BTNL8: variants seen among roughly 807,000 people sequenced by gnomAD.
The protein encoded by BTNL8 is butyrophilin-like protein 8.
A neutral mutation model predicts 36.1 loss-of-function variants in BTNL8; 22 were observed. The observed-to-expected ratio is 0.61, with a 90% CI of 0.44 to 0.87. BTNL8 has a LOEUF of 0.87. BTNL8 is among the 40% of genes least tolerant of loss of function. The pLI is 0.00. For synonymous variants in BTNL8, 203 were observed against 235.6 expected, an observed-to-expected ratio of 0.86 and a Z score of 1.27; for missense variants, 526 against 616.9, an observed-to-expected ratio of 0.85 and a Z score of 1.56.
At chr5:180,941,229 A>C (rs1315909835) in intron 3 of BTNL8, among the ~76,000 whole-genome samples, 1 of 152,194 alleles carries the variant, frequency 6.6e-6, no homozygotes, top group East Asian at 1.9e-4. Flanking sequence ...AACACATGGA[A>C]CATACTAAAA....
At chr5:180,904,006 A>G (rs199544769) in intron 1 of BTNL8, among the ~76,000 whole-genome samples, 11,077 of 94,584 alleles carry the variant, frequency 0.12, 24 homozygotes, top group African/African-American at 0.25. Context: ...TTGGTGATGC[A>G]GGCTCTTTTT....
intron 3 of BTNL8, among the ~76,000 whole-genome samples, chr5:180,928,560 C>T (rs894460486): frequency 2.0e-5 from 3 of 152,124 alleles, no homozygotes. Flanking sequence ...GTGCTATATT[C>T]GGGAGACCCA....
Position 180,950,275 on chromosome 5 carries a change from G to A in BTNL8, c.1234G>A (p.Asp412Asn). The A allele has an allele frequency of 2.0e-6, 3 of 1,463,516 alleles. No individual in the cohort carries two copies. In the East Asian group the frequency reaches 7.3e-5, roughly 36 times the overall value. The allele number at this position is 1,463,516 out of a possible 1,614,324, so 90.7% of individuals were successfully genotyped here. ...ACCTACAAAAATAGGGGTCTTCCTG[G>A]ACTATGAGTGTGGGACCATCTCCTT... ...TPPTKIGVFL[D>N]YECGTISFFN... The change falls in exon 8 of 8, where the codon GAC becomes AAC. Residue 412 changes from aspartate to asparagine, a missense_variant. Asp to Asn is a conservative substitution (Grantham distance 23). This residue lies in a region of BTNL8 where 176 missense variants were observed against 292.3 expected (regional missense o/e 0.60). Coordinates refer to ENST00000340184, the MANE Select transcript of BTNL8 (RefSeq NM_001040462.3).
At position 180,935,759 on chromosome 5, in the gene BTNL8, G is replaced by A. The variant is rs1205138224; in HGVS notation, c.674-11753G>A. The stretch of plus-strand genomic sequence containing the variant: ...CCTCCCAGCCCCACCTGGCTCCATG[G>A]AGCACATGGCCCCAGCCACACCTCC... On this transcript the variant is annotated intron_variant, in intron 3 of 7. Coordinates refer to ENST00000340184, the MANE Select transcript of BTNL8 (RefSeq NM_001040462.3). The surrounding 1 kb of genome is among the most constrained non-coding windows in gnomAD (Gnocchi z 4.8). Among the ~76,000 whole-genome samples the A allele has an allele frequency of 6.6e-6, 1 of 151,874 alleles. No homozygotes were observed. The highest frequency in any genetic ancestry group is 2.4e-5 in the African/African-American group (1 of 41,330).
chr5:180,921,790 G>A (rs1757876809), intron 3 of BTNL8, among the ~76,000 whole-genome samples: 1 of 151,954 alleles, frequency 6.6e-6, no homozygotes, highest in Non-Finnish European at 1.5e-5. Flanking sequence ...TGGTGGTGAT[G>A]ATTTGAATGG....
chr5:180,937,105 C>A (rs1031159324), intron 3 of BTNL8, among the ~76,000 whole-genome samples: 1 of 152,140 alleles, frequency 6.6e-6, no homozygotes, highest in African/African-American at 2.4e-5. Context: ...ATTTGGTGTC[C>A]ACCACTGATG....
chr5:180,937,836 AG>A (rs1397225952), intron 3 of BTNL8, among the ~76,000 whole-genome samples: 3 of 152,202 alleles, frequency 2.0e-5, no homozygotes, highest in Admixed American at 2.0e-4. Flanking sequence ...AATGATCTTA[AG>A]AACACTTAGT....
chr5:180,907,841 G>A (rs1351101996), intron 1 of BTNL8, among the ~76,000 whole-genome samples: 3 of 151,132 alleles, frequency 2.0e-5, no homozygotes, highest in Non-Finnish European at 4.4e-5. Flanking sequence ...GGGGGTCAGG[G>A]GTCAGGGACT....
At chr5:180,908,343 G>C (rs1757208127) in intron 1 of BTNL8, among the ~76,000 whole-genome samples, 2 of 152,240 alleles carry the variant, frequency 1.3e-5, no homozygotes, top group South Asian at 4.1e-4. Flanking sequence ...CTTCCCGAGT[G>C]AGGCAATGCC....
At chr5:180,938,890 G>A (rs149496931) in intron 3 of BTNL8, among the ~76,000 whole-genome samples, 1 of 152,046 alleles carries the variant, frequency 6.6e-6, no homozygotes, top group Admixed American at 6.6e-5. Context: ...AGAAGAAAAA[G>A]ATATTTTTTA....
chr5:180,909,237 T>G (rs2113778172), intron 2 of BTNL8, among the ~76,000 whole-genome samples: 1 of 152,348 alleles, frequency 6.6e-6, no homozygotes, highest in South Asian at 2.1e-4. Flanking sequence ...ATCTCCCTGA[T>G]GCTGTAATTT....
At chr5:180,921,056 A>G (rs1308782118) in intron 3 of BTNL8, among the ~76,000 whole-genome samples, 2 of 152,118 alleles carry the variant, frequency 1.3e-5, no homozygotes, top group African/African-American at 4.8e-5. Flanking sequence ...TTATATGTAG[A>G]TAAACCCTAA....
At position 180,947,134 on chromosome 5, in the gene BTNL8, G is replaced by A. The variant is rs538064273; in HGVS notation, c.674-378G>A. Among the ~76,000 whole-genome samples the A allele has an allele frequency of 7.2e-5, 11 of 152,292 alleles. No homozygotes were observed. In the East Asian group the frequency reaches 9.6e-4, roughly 13 times the overall value. ...TCTAGTTTATACCAAGACATATCCC[G>A]GAACTGTGGTGATTAAGCCACTCAA... On this transcript the variant is annotated intron_variant, in intron 3 of 7. Transcript: ENST00000340184.
At chr5:180,925,195 C>T (rs1340515060) in intron 3 of BTNL8, among the ~76,000 whole-genome samples, 2 of 152,024 alleles carry the variant, frequency 1.3e-5, no homozygotes, top group African/African-American at 2.4e-5. Flanking sequence ...ATAGGAGTTT[C>T]AGAAGGAGAT....
At chr5:180,907,930 G>C (rs1757173486) in intron 1 of BTNL8, among the ~76,000 whole-genome samples, 1 of 152,032 alleles carries the variant, frequency 6.6e-6, no homozygotes. Context: ...AAAGCTGTCA[G>C]ACAGGGACAT....
chr5:180,919,313 C>G (rs367957151), intron 3 of BTNL8, among the ~76,000 whole-genome samples: 3 of 152,318 alleles, frequency 2.0e-5, no homozygotes, highest in East Asian at 3.9e-4. Context: ...CATGTCCAAC[C>G]TCACCTTCCC....
intron 3 of BTNL8, among the ~76,000 whole-genome samples, chr5:180,941,110 G>GAGGAAGGAAGGAAGGAAGGAAGGA (rs1177352611): frequency 2.0e-4 from 25 of 126,896 alleles, no homozygotes; most frequent in East Asian, 7.2e-4. Flanking sequence ...GGAAGGAAGG[G>GAGGAAGGAAGGAAGGAAGGAAGGA]AGGAAGGAAG....
At chr5:180,934,191 A>G (rs1561942023) in intron 3 of BTNL8, among the ~76,000 whole-genome samples, 1 of 152,272 alleles carries the variant, frequency 6.6e-6, no homozygotes, top group Non-Finnish European at 1.5e-5. Flanking sequence ...GATAAAAATC[A>G]TATGATAATC....
chr5:180,929,856 T>C (rs1485155777), intron 3 of BTNL8, among the ~76,000 whole-genome samples: 1 of 152,144 alleles, frequency 6.6e-6, no homozygotes, highest in African/African-American at 2.4e-5. Context: ...CAGGACAAGA[T>C]GGATTCACAG....
Sources: allele counts gnomAD v4.1 joint callset (sites outside exome capture counted in the v4.1 genomes callset), GRCh38; gene constraint gnomAD v4.1.1; regional missense constraint gnomAD v4.1.1; non-coding constraint Gnocchi (gnomAD v3.1); transcripts MANE v1.5; gene names NCBI Gene and HGNC (gene_info 2026-07-23, HGNC 2026-07-21).